The following TCTN2 variants were observed in gnomAD, a reference collection of about 807,000 sequenced individuals.
TCTN2 encodes tectonic-2.
In TCTN2, 66 loss-of-function variants were observed where a neutral mutation model predicts 83.4. That is an observed-to-expected ratio of 0.79 (90% CI 0.65 to 0.97). TCTN2 has a LOEUF of 0.97. Ranked by LOEUF, TCTN2 falls within the 50% of genes least tolerant of loss-of-function variation. The pLI, the probability that TCTN2 is intolerant of heterozygous loss-of-function variation, is 0.00. For synonymous variants in TCTN2, 301 were observed against 326.7 expected, an observed-to-expected ratio of 0.92 and a Z score of 0.85; for missense variants, 794 against 858.1, an observed-to-expected ratio of 0.93 and a Z score of 0.93.
intron 3 of TCTN2, among the ~76,000 whole-genome samples, 158 bp downstream of exon 3, chr12:123,672,290 C>T (rs779312066): frequency 3.9e-4 from 60 of 152,138 alleles, no homozygotes; most frequent in Middle Eastern, 3.2e-3. Context: ...ATCCAGCCCA[C>T]GGGTTCCTTA....
At chr12:123,688,206 C>T in intron 7 of TCTN2, 29 bp downstream of exon 7, 1 of 1,591,564 alleles carries the variant, frequency 6.3e-7, no homozygotes, top group Non-Finnish European at 8.5e-7. Context: ...GTATGCTAGA[C>T]CGTTCTCTTT....
intron 5 of TCTN2, 128 bp from the exon 6 acceptor site, chr12:123,686,708 C>T: frequency 2.2e-6 from 2 of 902,384 alleles, no homozygotes; most frequent in South Asian, 2.8e-5. Context: ...TTAGATGAGA[C>T]ACAGATTATA....
At chr12:123,697,568 C>T (rs1431367581) in intron 13 of TCTN2, among the ~76,000 whole-genome samples, 6 of 151,650 alleles carry the variant, frequency 4.0e-5, no homozygotes, top group Admixed American at 2.0e-4. Context: ...GGTGCGATCT[C>T]GGCTCATTGC....
intron 4 of TCTN2, 53 bp from the exon 5 acceptor site, chr12:123,679,136 T>C: frequency 6.8e-7 from 1 of 1,476,116 alleles, no homozygotes; most frequent in Non-Finnish European, 9.5e-7. Context: ...AATGTGACTG[T>C]GCTTTGTCGG....
intron 10 of TCTN2, 78 bp from the exon 11 acceptor site, chr12:123,695,142 T>A (rs987435628): frequency 7.2e-7 from 1 of 1,384,826 alleles, no homozygotes; most frequent in Non-Finnish European, 1.0e-6. Flanking sequence ...AATGCAATTT[T>A]AAGGTAAACA....
At chr12:123,696,354 A>G in intron 11 of TCTN2, 61 bp from the exon 12 acceptor site, 10 of 1,340,614 alleles carry the variant, frequency 7.5e-6, no homozygotes, top group South Asian at 2.3e-5. Context: ...TATTATTTGC[A>G]GAGTTAGGGC....
chr12:123,673,052 A>C (rs1307152956), intron 3 of TCTN2, among the ~76,000 whole-genome samples: 1 of 152,204 alleles, frequency 6.6e-6, no homozygotes, highest in African/African-American at 2.4e-5. Context: ...CCGTCTCAAA[A>C]AAAAAAGCTT....
intron 3 of TCTN2, among the ~76,000 whole-genome samples, chr12:123,672,458 A>G (rs113398357): frequency 0.013 from 1,963 of 152,280 alleles, 42 homozygotes; most frequent in African/African-American, 0.044. Context: ...GCTTTATGCC[A>G]GGCATCGTGG....
rs920617400 is a variant in TCTN2 at position 123,708,336 on chromosome 12, G to A, written c.*623G>A. On this transcript the variant is annotated 3_prime_UTR_variant, in exon 18 of 18. Transcript: ENST00000303372. ...CTTTAGACCTTGACTTCAGTGATTT[G>A]TTGTAGTCTTGTATGCTTCTCTATA... is the stretch of plus-strand genomic sequence containing the variant. The A allele has an allele frequency of 6.5e-6, 1 of 154,318 alleles. No individual in the cohort carries two copies. The highest frequency in any genetic ancestry group is 2.4e-5 in the African/African-American group (1 of 41,386). The allele number at this position is 154,318 out of a possible 1,614,324, so 9.6% of individuals were successfully genotyped here.
chr12:123,695,552 G>T (rs1956097171), intron 11 of TCTN2: 2 of 349,454 alleles, frequency 5.7e-6, no homozygotes, highest in Admixed American at 4.6e-5. Context: ...CTCCTGAGTA[G>T]CTGGGATTAC....
chr12:123,679,119 T>G (rs1372887343), intron 4 of TCTN2, 70 bp from the exon 5 acceptor site: 2 of 1,396,260 alleles, frequency 1.4e-6, no homozygotes, highest in Non-Finnish European at 2.0e-6. Flanking sequence ...TTCTTTTGAA[T>G]GTCAAAAATG....
chr12:123,673,537 T>C (rs1028625521), intron 3 of TCTN2, 78 bp from the exon 4 acceptor site: 8 of 1,417,266 alleles, frequency 5.6e-6, no homozygotes, highest in African/African-American at 5.6e-5. Flanking sequence ...ATGTGTACTT[T>C]TATTGTGTTT....
chr12:123,690,191 A>G (rs1177471786), intron 7 of TCTN2, among the ~76,000 whole-genome samples: 1 of 152,166 alleles, frequency 6.6e-6, no homozygotes, highest in Admixed American at 6.6e-5. Context: ...ATTCATATGA[A>G]TCCATTTTTA....
intron 4 of TCTN2, among the ~76,000 whole-genome samples, chr12:123,677,419 C>T (rs1955837111): frequency 6.6e-6 from 1 of 152,148 alleles, no homozygotes; most frequent in African/African-American, 2.4e-5. Context: ...ACAAATAGTT[C>T]CTGCATGGTT....
In TCTN2 at chr12:123,707,890, A is replaced by T. The variant is rs1268754280; in HGVS notation, c.*177A>T. 1 of 601,864 alleles carries T rather than the reference A, an allele frequency of 1.7e-6. No individual in the cohort carries two copies. The highest frequency in any genetic ancestry group is 1.9e-5 in the African/African-American group (1 of 53,684). 37.3% of individuals were successfully genotyped at this position (601,864 alleles called of 1,614,324 possible). A position where few individuals can be genotyped will look rare whatever the true frequency, so the allele number is the denominator to read the frequency against. On this transcript the variant is annotated 3_prime_UTR_variant, in exon 18 of 18. Coordinates refer to ENST00000303372, the MANE Select transcript of TCTN2 (RefSeq NM_024809.5). ...CACGCCCGGCTAATTTTGTATTTTT[A>T]GTAGAGACAGGGTTCCACCGTATTG...
intron 8 of TCTN2, among the ~76,000 whole-genome samples, chr12:123,692,084 G>C (rs756318677): frequency 6.6e-6 from 1 of 152,058 alleles, no homozygotes; most frequent in Non-Finnish European, 1.5e-5. Context: ...TAGTAGAGAC[G>C]AAGTTTAGTA....
intron 5 of TCTN2, among the ~76,000 whole-genome samples, chr12:123,681,575 A>G (rs1170910766): frequency 6.6e-6 from 1 of 152,166 alleles, no homozygotes; most frequent in Non-Finnish European, 1.5e-5. Context: ...TTACCACTTC[A>G]TTCATTTTTG....
In TCTN2 at chr12:123,696,799, A is replaced by G; in HGVS notation, c.1394-288A>G. 4 of 528,262 alleles carry G rather than the reference A, an allele frequency of 7.6e-6. No individual in the cohort carries two copies. In the East Asian group the frequency reaches 1.0e-4, roughly 14 times the overall value. The allele number at this position is 528,262 out of a possible 1,614,324, so 32.7% of individuals were successfully genotyped here. A position where few individuals can be genotyped will look rare whatever the true frequency, so the allele number is the denominator to read the frequency against. ...GCCCAGGATGGTGCTAATTGGAGAC[A>G]TGAAAATAACTTCGTTCTGAACTGC... On this transcript the variant is annotated intron_variant, in intron 12 of 17. Transcript: ENST00000303372.
rs1035286416 is a variant in TCTN2, at chr12:123,686,695, C to T, written c.565-141C>T. ...TTTTACTTTTTGTGGGCACAAGGCA[C>T]TTTTAGATGAGACACAGATTATAGG... On this transcript the variant is annotated intron_variant, in intron 5 of 17. Coordinates refer to ENST00000303372, the MANE Select transcript of TCTN2 (RefSeq NM_024809.5). 3 of 823,058 alleles carry T rather than the reference C, an allele frequency of 3.6e-6. No homozygotes were observed. The African/African-American group carries it at 5.1e-5, about 14-fold the overall frequency. The allele number at this position is 823,058 out of a possible 1,614,324, so 51.0% of individuals were successfully genotyped here.
Sources: gnomAD v4.1 joint callset for allele counts (sites outside exome capture counted in the v4.1 genomes callset) on GRCh38, gnomAD v4.1.1 for gene constraint, MANE v1.5 for transcripts, NCBI Gene and HGNC (gene_info 2026-07-23, HGNC 2026-07-21) for gene names.